Variants in TET1 observed in about 807,000 individuals in gnomAD.
TET1 encodes the protein methylcytosine dioxygenase TET1.
A neutral mutation model predicts 148.7 loss-of-function variants in TET1; 13 were observed. The observed-to-expected ratio is 0.09, with a 90% CI of 0.06 to 0.14. The LOEUF is 0.14. Ranked by LOEUF, TET1 falls within the 10% of genes least tolerant of loss-of-function variation. The pLI is 1.00. For synonymous variants in TET1, 907 were observed against 937.2 expected (o/e 0.97, Z 0.59); for missense variants, 2,182 against 2,553.8 (o/e 0.85, Z 3.14).
At chr10:68,672,515 C>CAAAAAAAAAAAAAAAAAAAAACACA (rs1207136905) in intron 7 of TET1, among the ~76,000 whole-genome samples, 1 of 85,726 alleles carries the variant, frequency 1.2e-5, no homozygotes, top group Non-Finnish European at 2.4e-5. Context: ...AAAAAAACAC[C>CAAAAAAAAAAAAAAAAAAAAACACA]AAAAAAAAAA....
chr10:68,662,754 G>GT (rs2055140224), intron 6 of TET1, among the ~76,000 whole-genome samples: 1 of 152,120 alleles, frequency 6.6e-6, no homozygotes, highest in Non-Finnish European at 1.5e-5. Flanking sequence ...ATACAAAGAA[G>GT]TAGCCAAGCA....
intron 3 of TET1, among the ~76,000 whole-genome samples, chr10:68,630,701 G>C (rs948279895): frequency 6.6e-6 from 1 of 152,180 alleles, no homozygotes; most frequent in Non-Finnish European, 1.5e-5. Context: ...TGTCTTGATA[G>C]GGGAGTTATC....
At chr10:68,676,347 G>C (rs189834476) in intron 8 of TET1, among the ~76,000 whole-genome samples, 82 of 126,610 alleles carry the variant, frequency 6.5e-4, no homozygotes, top group Non-Finnish European at 9.0e-4. Flanking sequence ...GCAGTGGCGC[G>C]ATCTCATCTC....
intron 11 of TET1, among the ~76,000 whole-genome samples, chr10:68,687,591 T>G (rs1355072679): frequency 6.6e-6 from 1 of 152,138 alleles, no homozygotes; most frequent in Non-Finnish European, 1.5e-5. Context: ...TTATTTTGTT[T>G]TTGTTTGTGG....
chr10:68,570,395 G>A (rs1003703901), intron 1 of TET1, among the ~76,000 whole-genome samples: 36 of 151,996 alleles, frequency 2.4e-4, no homozygotes, highest in Middle Eastern at 3.4e-3. Context: ...GTGAGCCACC[G>A]CGCCCAGCCA....
chr10:68,633,051 G>A (rs2054600242), intron 3 of TET1, among the ~76,000 whole-genome samples: 1 of 152,040 alleles, frequency 6.6e-6, no homozygotes, highest in Admixed American at 6.6e-5. Flanking sequence ...GGGCGTGGTG[G>A]TGGGCGCCTG....
intron 2 of TET1, among the ~76,000 whole-genome samples, chr10:68,575,024 A>T (rs1182913009): frequency 6.6e-6 from 1 of 152,204 alleles, no homozygotes; most frequent in Non-Finnish European, 1.5e-5. Context: ...TGATTTTTAG[A>T]TCACGCATTA....
At chr10:68,586,247 G>A (rs1041861886) in intron 2 of TET1, among the ~76,000 whole-genome samples, 30 of 151,986 alleles carry the variant, frequency 2.0e-4, no homozygotes, top group Admixed American at 1.4e-3. Flanking sequence ...GTGCAATCTC[G>A]GCTCACTGCA....
At chr10:68,659,217 C>T (rs1474039646) in intron 6 of TET1, among the ~76,000 whole-genome samples, 2 of 152,186 alleles carry the variant, frequency 1.3e-5, no homozygotes, top group East Asian at 3.9e-4. Context: ...CAGTGGATGG[C>T]CTCATTGGCC....
rs2055620991 is a variant in TET1, at chr10:68,693,675, T to G, written c.*1861T>G. On this transcript the variant is annotated 3_prime_UTR_variant, in exon 12 of 12. Coordinates refer to ENST00000373644, the MANE Select transcript of TET1 (RefSeq NM_030625.3). Reference sequence around the variant, plus strand: ...AGATTTCCGTTTTAAGACATGTATATTTTTGTGAGCCTAAGGTTTCTTATA... The same window carrying G: ...AGATTTCCGTTTTAAGACATGTATAGTTTTGTGAGCCTAAGGTTTCTTATA... 1 of 232,068 alleles carries G rather than the reference T, an allele frequency of 4.3e-6. No individual in the cohort carries two copies. Among genetic ancestry groups the G allele is most frequent in the South Asian group, 1.8e-4 (1 of 5,522 alleles). 14.4% of individuals were successfully genotyped at this position (232,068 alleles called of 1,614,324 possible).
At chr10:68,666,541 A>T (rs1173234507) in intron 6 of TET1, among the ~76,000 whole-genome samples, 1 of 152,190 alleles carries the variant, frequency 6.6e-6, no homozygotes, top group Non-Finnish European at 1.5e-5. Flanking sequence ...ACATTTGTGG[A>T]ATTTCAGTGC....
At chr10:68,654,611 C>T (rs768566066) in intron 6 of TET1, among the ~76,000 whole-genome samples, 31 of 151,722 alleles carry the variant, frequency 2.0e-4, no homozygotes, top group East Asian at 1.4e-3. Context: ...AGTGAGACTC[C>T]GTCTCAAAAA....
chr10:68,674,485 T>C (rs891484622), intron 8 of TET1: 5 of 415,514 alleles, frequency 1.2e-5, no homozygotes, highest in Non-Finnish European at 4.5e-6. Context: ...GGAACCATAA[T>C]TGAATCTGAT....
chr10:68,596,035 T>C (rs1244662323), intron 2 of TET1, among the ~76,000 whole-genome samples: 1 of 135,036 alleles, frequency 7.4e-6, no homozygotes, highest in Non-Finnish European at 1.6e-5. Context: ...CACATATATA[T>C]ATATATATAC....
intron 1 of TET1, among the ~76,000 whole-genome samples, chr10:68,570,429 T>C (rs2053656235): frequency 1.3e-5 from 2 of 151,820 alleles, no homozygotes; most frequent in African/African-American, 4.8e-5. Context: ...TTTCAACCCT[T>C]GTCTCCATCC....
intron 3 of TET1, among the ~76,000 whole-genome samples, chr10:68,606,463 A>G (rs2054125741): frequency 6.6e-6 from 1 of 152,232 alleles, no homozygotes; most frequent in Non-Finnish European, 1.5e-5. Flanking sequence ...AGTTAGTAAA[A>G]TAAATCATTG....
At chr10:68,596,027 C>CACATATATATATATAT (rs71470531) in intron 2 of TET1, among the ~76,000 whole-genome samples, 7 of 61,760 alleles carry the variant, frequency 1.1e-4, no homozygotes, top group South Asian at 6.6e-4. Context: ...CACACACACA[C>CACATATATATATATAT]ATATATATAT....
intron 3 of TET1, among the ~76,000 whole-genome samples, chr10:68,629,090 C>A (rs969922635): frequency 6.6e-6 from 1 of 152,060 alleles, no homozygotes; most frequent in African/African-American, 2.4e-5. Flanking sequence ...GTATGCCGGG[C>A]GCGGTGGCTC....
chr10:68,680,713 T>C (rs1216926296), intron 8 of TET1, among the ~76,000 whole-genome samples: 1 of 152,258 alleles, frequency 6.6e-6, no homozygotes, highest in East Asian at 1.9e-4. Context: ...CCAGATTTCT[T>C]GAGTGTTAAT....
Sources: gnomAD v4.1 joint callset for allele counts (sites outside exome capture counted in the v4.1 genomes callset) on GRCh38, gnomAD v4.1.1 for gene constraint, MANE v1.5 for transcripts, NCBI Gene and HGNC (gene_info 2026-07-23, HGNC 2026-07-21) for gene names.